Variants in MLLT3 observed in about 807,000 individuals in gnomAD.
MLLT3 encodes protein AF-9.
In MLLT3, 4 loss-of-function variants were observed where a neutral mutation model predicts 53.2. The observed-to-expected ratio is 0.08, with a 90% CI of 0.04 to 0.17. The LOEUF is 0.17. Ranked by LOEUF, MLLT3 falls within the 10% of genes least tolerant of loss-of-function variation. MLLT3 has a pLI of 1.00. For synonymous variants in MLLT3, 283 were observed against 230.6 expected, an observed-to-expected ratio of 1.23 and a Z score of -2.06; for missense variants, 569 against 684.0, an observed-to-expected ratio of 0.83 and a Z score of 1.87.
chr9:20,586,499 T>C (rs77766375), intron 2 of MLLT3, among the ~76,000 whole-genome samples: 2,124 of 152,074 alleles, frequency 0.014, 56 homozygotes, highest in African/African-American at 0.049. Flanking sequence ...CTGGGGGGCT[T>C]AGGGGTGGCA....
chr9:20,590,735 G>A (rs1025399917), intron 2 of MLLT3, among the ~76,000 whole-genome samples: 8 of 151,946 alleles, frequency 5.3e-5, no homozygotes, highest in South Asian at 2.1e-4. Flanking sequence ...TACAATTGCC[G>A]TCTTCTTTTT....
intron 2 of MLLT3, among the ~76,000 whole-genome samples, chr9:20,593,016 GTAT>G (rs1191185973): frequency 2.6e-5 from 4 of 152,174 alleles, no homozygotes; most frequent in African/African-American, 4.8e-5. Context: ...AAGCTGTTAA[GTAT>G]TATTATGGCA....
At chr9:20,454,419 T>G (rs900623548) in intron 3 of MLLT3, among the ~76,000 whole-genome samples, 1 of 152,212 alleles carries the variant, frequency 6.6e-6, no homozygotes, top group Non-Finnish European at 1.5e-5. Flanking sequence ...TCTGTTCAAC[T>G]CCGAGCTTGT....
At chr9:20,356,377 C>G (rs548471915) in intron 8 of MLLT3, among the ~76,000 whole-genome samples, 192 of 152,186 alleles carry the variant, frequency 1.3e-3, no homozygotes, top group Middle Eastern at 6.8e-3. Flanking sequence ...ACATGCTCCA[C>G]TGTAAAGGAA....
At chr9:20,535,187 T>C (rs917807363) in intron 2 of MLLT3, among the ~76,000 whole-genome samples, 9 of 152,206 alleles carry the variant, frequency 5.9e-5, no homozygotes, top group Non-Finnish European at 1.3e-4. Flanking sequence ...TTGTTTCTCA[T>C]AGGAGTGTGA....
chr9:20,468,457 G>A (rs891178308), intron 2 of MLLT3, among the ~76,000 whole-genome samples: 2 of 152,184 alleles, frequency 1.3e-5, no homozygotes, highest in African/African-American at 4.8e-5. Context: ...AGAAACTCGT[G>A]AAGCCCAAGT....
intron 2 of MLLT3, among the ~76,000 whole-genome samples, chr9:20,602,969 T>C (rs1370359800): frequency 2.6e-5 from 4 of 152,116 alleles, no homozygotes; most frequent in African/African-American, 4.8e-5. Context: ...TTGGCTAACA[T>C]GTGGCTCTGA....
At chr9:20,538,685 G>T (rs1317681488) in intron 2 of MLLT3, among the ~76,000 whole-genome samples, 1 of 152,040 alleles carries the variant, frequency 6.6e-6, no homozygotes, top group Non-Finnish European at 1.5e-5. Flanking sequence ...TAAAATTAAA[G>T]AAGTAAGGCA....
chr9:20,378,914 A>G (rs1821842591), intron 5 of MLLT3, among the ~76,000 whole-genome samples: 2 of 152,044 alleles, frequency 1.3e-5, no homozygotes, highest in South Asian at 4.1e-4. Flanking sequence ...AGAATCACAT[A>G]TTCCTGATTA....
chr9:20,536,458 C>T (rs753579873), intron 2 of MLLT3, among the ~76,000 whole-genome samples: 6 of 152,140 alleles, frequency 3.9e-5, no homozygotes, highest in Non-Finnish European at 8.8e-5. Flanking sequence ...CAACCCTTTT[C>T]CCCACTGCCT....
chr9:20,372,545 G>A (rs1389858370), intron 5 of MLLT3, among the ~76,000 whole-genome samples: 4 of 143,680 alleles, frequency 2.8e-5, no homozygotes, highest in South Asian at 2.3e-4. Context: ...CCGCCACCAC[G>A]CCCGGCTAAT....
intron 2 of MLLT3, among the ~76,000 whole-genome samples, chr9:20,466,070 A>G (rs1007838287): frequency 1.8e-4 from 28 of 152,168 alleles, no homozygotes; most frequent in African/African-American, 6.3e-4. Context: ...CCAAACAATG[A>G]AAAACTGAAC....
chr9:20,529,162 G>A (rs766039487), intron 2 of MLLT3, among the ~76,000 whole-genome samples: 26 of 152,184 alleles, frequency 1.7e-4, no homozygotes, highest in Non-Finnish European at 3.5e-4. Context: ...TGGGTATGCA[G>A]CCTAGGTTTG....
Position 20,414,309 on chromosome 9 carries a change from GCTA to G in MLLT3, c.534_536del (p.Ser190del), listed in dbSNP as rs773355057. ...TGCTGCTGCTGCTGCTACTGCTGCT[GCTA>G]CTGCTGCTGCTGCTGCTGCTGCTGC... On this transcript the variant is annotated inframe_deletion, in exon 5 of 11. Transcript: ENST00000380338. 6.3e-5 allele frequency: 101 copies of G among 1,608,012 alleles called. No individual in the cohort carries two copies. The highest frequency in any genetic ancestry group is 5.6e-4 in the Middle Eastern group (3 of 5,370).
intron 2 of MLLT3, among the ~76,000 whole-genome samples, chr9:20,473,935 T>C (rs377125111): frequency 6.6e-6 from 1 of 152,160 alleles, no homozygotes. Context: ...TCTTGCTTCA[T>C]GTCTGTTCCT....
rs1021055182 is a variant in MLLT3 at position 20,363,344 on chromosome 9, C to T, written c.1331+132G>A. 3.0e-6 allele frequency: 3 copies of T among 1,010,962 alleles called. No individual in the cohort carries two copies. In the African/African-American group the frequency reaches 4.9e-5, roughly 16 times the overall value. The allele number at this position is 1,010,962 out of a possible 1,614,324, so 62.6% of individuals were successfully genotyped here. On this transcript the variant is annotated intron_variant, in intron 7 of 10. Coordinates refer to ENST00000380338, the MANE Select transcript of MLLT3 (RefSeq NM_004529.4). ...AGTGTGTGTAGGCATACCAAGGAGA[C>T]CCTGCATCAAATGAATGTGACCATC...
chr9:20,377,296 G>A (rs1435799797), intron 5 of MLLT3, among the ~76,000 whole-genome samples: 4 of 152,146 alleles, frequency 2.6e-5, no homozygotes, highest in African/African-American at 9.7e-5. Context: ...CAGAGCATAA[G>A]AAATTTAAAA....
At chr9:20,402,775 C>T (rs1291681379) in intron 5 of MLLT3, among the ~76,000 whole-genome samples, 1 of 152,098 alleles carries the variant, frequency 6.6e-6, no homozygotes, top group Non-Finnish European at 1.5e-5. Context: ...AATTAACTTA[C>T]ATGACATCCT....
At chr9:20,350,827 T>A (rs1265166980) in intron 10 of MLLT3, among the ~76,000 whole-genome samples, 1 of 152,156 alleles carries the variant, frequency 6.6e-6, no homozygotes, top group Non-Finnish European at 1.5e-5. Context: ...CCTTCCCCAA[T>A]TTTTAATTAT....
Sources: allele counts gnomAD v4.1 joint callset (sites outside exome capture counted in the v4.1 genomes callset), GRCh38; gene constraint gnomAD v4.1.1; transcripts MANE v1.5; gene names NCBI Gene and HGNC (gene_info 2026-07-23, HGNC 2026-07-21).